NDFIP2: variants seen among roughly 807,000 people sequenced by gnomAD.
NDFIP2 encodes Nedd4 family interacting protein 2, also known as NEDD4 family-interacting protein 2.
Under a neutral mutation model 36.0 loss-of-function variants are expected in NDFIP2, and 19 were observed. That is an observed-to-expected ratio of 0.53 (90% confidence interval 0.37 to 0.77). NDFIP2 has a LOEUF of 0.77. NDFIP2 is among the 30% of genes least tolerant of loss of function. The pLI is 0.00. For missense variants in NDFIP2, 446 were observed against 435.8 expected (o/e 1.02, Z -0.21); for synonymous variants, 181 against 167.7 (o/e 1.08, Z -0.61).
chr13:79,539,277 A>G (rs545382256), intron 3 of NDFIP2, among the ~76,000 whole-genome samples: 29 of 152,326 alleles, frequency 1.9e-4, no homozygotes, highest in African/African-American at 5.8e-4. Context: ...TTGCTGGATC[A>G]TAGGGTATGC....
At chr13:79,550,113 TC>T (rs576802756) in intron 6 of NDFIP2, among the ~76,000 whole-genome samples, 1 of 151,460 alleles carries the variant, frequency 6.6e-6, no homozygotes. Flanking sequence ...TGTTTTTGGA[TC>T]CCCCCCACCC....
intron 1 of NDFIP2, among the ~76,000 whole-genome samples, chr13:79,515,199 A>C (rs943887720): frequency 7.3e-6 from 1 of 137,600 alleles, no homozygotes; most frequent in Non-Finnish European, 1.5e-5. Flanking sequence ...ACATAGAACA[A>C]GTACAGTAAA....
At position 79,481,293 on chromosome 13, in the gene NDFIP2, C is replaced by G; in HGVS notation, c.90C>G (p.Thr30=). The G allele has an allele frequency of 6.5e-7, 1 of 1,539,808 alleles. No homozygotes were observed. Among genetic ancestry groups the G allele is most frequent in the Non-Finnish European group, 8.7e-7 (1 of 1,146,302 alleles). ...GCGCCCCGGAGCTTCTCCGCGGAAC[C>G]GCGACCAACGCGGAGGTCTCGGCGG... The part of the protein sequence containing the change: ...ARGAPELLRG[T]ATNAEVSAAA... Residue 30 remains threonine, a synonymous_variant, in exon 1 of 8, where the codon ACC becomes ACG. Coordinates refer to ENST00000218652, the MANE Select transcript of NDFIP2 (RefSeq NM_019080.3).
chr13:79,510,519 A>G (rs762262937), intron 1 of NDFIP2, among the ~76,000 whole-genome samples: 1 of 152,122 alleles, frequency 6.6e-6, no homozygotes, highest in Non-Finnish European at 1.5e-5. Flanking sequence ...GTAAAAATTT[A>G]TGAAGATACA....
Position 79,506,663 on chromosome 13 carries a change from A to G in NDFIP2, c.322-14147A>G, listed in dbSNP as rs188418392. 1.1e-4 allele frequency among the ~76,000 whole-genome samples: 16 copies of G among 152,230 alleles called. No individual in the cohort carries two copies. The East Asian group carries it at 1.4e-3, about 13-fold the overall frequency. ...TTTTTAAAAAATATAGGCAGTACAT[A>G]TAAGTATAAAGAGACAAGCAGTCTA... On this transcript the variant is annotated intron_variant, in intron 1 of 7. Coordinates refer to ENST00000218652, the MANE Select transcript of NDFIP2 (RefSeq NM_019080.3).
At chr13:79,525,958 G>C (rs73553407) in intron 2 of NDFIP2, among the ~76,000 whole-genome samples, 1 of 152,096 alleles carries the variant, frequency 6.6e-6, no homozygotes, top group Non-Finnish European at 1.5e-5. Context: ...TTCATGCCAT[G>C]TTCTAATCTC....
chr13:79,481,170 C>G lies in NDFIP2; in HGVS notation c.-34C>G. 6.9e-7 allele frequency: 1 copy of G among 1,457,930 alleles called. No individual in the cohort carries two copies. Among genetic ancestry groups the G allele is most frequent in the Non-Finnish European group, 9.0e-7 (1 of 1,113,234 alleles). 90.3% of individuals were successfully genotyped at this position (1,457,930 alleles called of 1,614,324 possible). On this transcript the variant is annotated 5_prime_UTR_variant, in exon 1 of 8. Transcript: ENST00000218652. ...GACTTGCCTTACTTTTCCATCTCCT[C>G]CCACCCAGCTATACCCTCCCACTGG...
At chr13:79,509,688 T>TAGAGAGAC (rs147787220) in intron 1 of NDFIP2, among the ~76,000 whole-genome samples, 5 of 140,386 alleles carry the variant, frequency 3.6e-5, no homozygotes, top group African/African-American at 1.4e-4. Flanking sequence ...TATATATATA[T>TAGAGAGAC]ATAGAGAGAG....
At chr13:79,506,761 T>C (rs1259535089) in intron 1 of NDFIP2, among the ~76,000 whole-genome samples, 1 of 152,148 alleles carries the variant, frequency 6.6e-6, no homozygotes, top group Non-Finnish European at 1.5e-5. Flanking sequence ...CATGCTTACA[T>C]ATAGACAGAC....
intron 1 of NDFIP2, among the ~76,000 whole-genome samples, chr13:79,501,829 A>C (rs1343001645): frequency 6.6e-6 from 1 of 152,086 alleles, no homozygotes; most frequent in African/African-American, 2.4e-5. Flanking sequence ...TTGAGGGAAG[A>C]ATGAAACTTT....
At chr13:79,510,534 G>C (rs1874046745) in intron 1 of NDFIP2, among the ~76,000 whole-genome samples, 1 of 152,062 alleles carries the variant, frequency 6.6e-6, no homozygotes, top group South Asian at 2.1e-4. Flanking sequence ...GATACACACA[G>C]GGGAGAACCA....
At chr13:79,549,329 T>C (rs1258604600) in intron 6 of NDFIP2, among the ~76,000 whole-genome samples, 3 of 151,972 alleles carry the variant, frequency 2.0e-5, no homozygotes, top group Non-Finnish European at 4.4e-5. Context: ...GCCGTGTTCT[T>C]TATTGAGTTT....
At chr13:79,547,100 A>T (rs529924602) in intron 5 of NDFIP2, among the ~76,000 whole-genome samples, 2 of 152,034 alleles carry the variant, frequency 1.3e-5, no homozygotes, top group Non-Finnish European at 2.9e-5. Context: ...TACTGAAATT[A>T]CTATAAATGG....
intron 1 of NDFIP2, among the ~76,000 whole-genome samples, chr13:79,520,336 C>G (rs764111453): frequency 3.9e-5 from 6 of 152,116 alleles, no homozygotes; most frequent in African/African-American, 7.2e-5. Flanking sequence ...TCTACTGTTA[C>G]AATTGCATAC....
At chr13:79,549,046 C>CTTT (rs1406208445) in intron 6 of NDFIP2, among the ~76,000 whole-genome samples, 18 of 151,992 alleles carry the variant, frequency 1.2e-4, no homozygotes, top group African/African-American at 4.3e-4. Context: ...ATAAGGAATA[C>CTTT]CTTTTGTTTC....
chr13:79,510,093 TG>T (rs1207980500), intron 1 of NDFIP2, among the ~76,000 whole-genome samples: 1 of 152,158 alleles, frequency 6.6e-6, no homozygotes, highest in East Asian at 1.9e-4. Flanking sequence ...TCCATTCAGA[TG>T]GTTGGGGGGC....
rs1874329464 is a variant in NDFIP2, at chr13:79,516,334, G to A, written c.322-4476G>A. Among the ~76,000 whole-genome samples, 3 of 152,196 alleles carry A rather than the reference G, an allele frequency of 2.0e-5. No individual in the cohort carries two copies. The East Asian group carries it at 5.8e-4, about 29-fold the overall frequency. On this transcript the variant is annotated intron_variant, in intron 1 of 7. Coordinates refer to ENST00000218652, the MANE Select transcript of NDFIP2 (RefSeq NM_019080.3). ...AGCGGTGCGATCACTGCTCACTGCA[G>A]CCTCCACCTTCCGGGCTCAGGTTAT...
At chr13:79,542,259 A>T (rs1479499267) in intron 4 of NDFIP2, among the ~76,000 whole-genome samples, 1 of 152,242 alleles carries the variant, frequency 6.6e-6, no homozygotes, top group East Asian at 1.9e-4. Context: ...TCAGCATGCC[A>T]TGATAATAAG....
At chr13:79,542,306 A>T (rs557093830) in intron 4 of NDFIP2, among the ~76,000 whole-genome samples, 1 of 152,318 alleles carries the variant, frequency 6.6e-6, no homozygotes, top group Non-Finnish European at 1.5e-5. Context: ...GACTTGAGGG[A>T]AACAGAAAGA....
Sources: allele counts gnomAD v4.1 joint callset (sites outside exome capture counted in the v4.1 genomes callset), GRCh38; gene constraint gnomAD v4.1.1; transcripts MANE v1.5; gene names NCBI Gene and HGNC (gene_info 2026-07-23, HGNC 2026-07-21).